TUBGCP2: variants seen among roughly 807,000 people sequenced by gnomAD.
The protein encoded by TUBGCP2 is gamma-tubulin complex component 2.
A neutral mutation model predicts 92.2 loss-of-function variants in TUBGCP2; 55 were observed. The observed-to-expected ratio is 0.60, with a 90% CI of 0.48 to 0.75. TUBGCP2 has a LOEUF of 0.75. Ranked by LOEUF, TUBGCP2 falls within the 30% of genes least tolerant of loss-of-function variation. The pLI is 0.00. For synonymous variants in TUBGCP2, 533 were observed against 505.2 expected (o/e 1.06, Z -0.74); for missense variants, 1,093 against 1,188.9 (o/e 0.92, Z 1.19).
At position 133,302,986 on chromosome 10, in the gene TUBGCP2, G is replaced by C. The variant is rs929938575; in HGVS notation, c.-39-6C>G. ...GAACATCACAATATGTTCTCCTATA[G>C]GTAAGAAGACAGCTATTCATAAAAT... On this transcript the variant is annotated splice_region_variant and splice_polypyrimidine_tract_variant and intron_variant, in intron 1 of 17. Transcript: ENST00000252936. 1.9e-6 allele frequency: 3 copies of C among 1,609,138 alleles called. No homozygotes were observed. The highest frequency in any genetic ancestry group is 2.7e-5 in the African/African-American group (2 of 74,830).
intron 2 of TUBGCP2, among the ~76,000 whole-genome samples, chr10:133,301,284 C>T (rs988122450): frequency 2.0e-5 from 3 of 152,102 alleles, no homozygotes; most frequent in Non-Finnish European, 4.4e-5. Context: ...CGCACCACCA[C>T]GCCCTAATTT....
Position 133,278,696 on chromosome 10 carries a change from G to C in TUBGCP2, c.*1070C>G, listed in dbSNP as rs1564931941. The C allele has an allele frequency of 6.6e-6, 1 of 152,384 alleles. No individual in the cohort carries two copies. Among genetic ancestry groups the C allele is most frequent in the South Asian group, 2.1e-4 (1 of 4,842 alleles). 9.4% of individuals were successfully genotyped at this position (152,384 alleles called of 1,614,324 possible). On this transcript the variant is annotated 3_prime_UTR_variant, in exon 18 of 18. Coordinates refer to ENST00000252936, the MANE Select transcript of TUBGCP2 (RefSeq NM_006659.4). The stretch of plus-strand genomic sequence containing the variant: ...CACAGCCTGCAGACAAGGAGGAAGC[G>C]GTTTGTGGCTGGAGAGTTGGACACC...
intron 2 of TUBGCP2, 137 bp from the exon 3 acceptor site, chr10:133,300,250 C>T: frequency 9.7e-7 from 1 of 1,027,204 alleles, no homozygotes; most frequent in Non-Finnish European, 1.4e-6. Flanking sequence ...CTGAAATAAA[C>T]TAACAAAACT....
intron 1 of TUBGCP2, among the ~76,000 whole-genome samples, chr10:133,304,984 GAA>G (rs1310755238): frequency 6.6e-6 from 1 of 152,082 alleles, no homozygotes; most frequent in African/African-American, 2.4e-5. Flanking sequence ...CAGTGTCAAG[GAA>G]AAACACCCGC....
chr10:133,291,287 C>CCCA (rs1564938878), intron 8 of TUBGCP2, among the ~76,000 whole-genome samples: 4 of 78,898 alleles, frequency 5.1e-5, no homozygotes, highest in South Asian at 3.8e-4. Flanking sequence ...CTCCGTGTCC[C>CCCA]TGTGTCCCGG....
chr10:133,294,814 C>A (rs776288210), intron 5 of TUBGCP2, among the ~76,000 whole-genome samples: 13 of 110,658 alleles, frequency 1.2e-4, no homozygotes, highest in Non-Finnish European at 2.4e-4. Flanking sequence ...TGGGGTCTTG[C>A]CGTGTTGCCC....
intron 14 of TUBGCP2, among the ~76,000 whole-genome samples, chr10:133,283,610 C>T (rs1233419287): frequency 7.3e-6 from 1 of 137,744 alleles, no homozygotes. Context: ...GGTGCAGCCC[C>T]GCCCTGGGGG....
At position 133,278,959 on chromosome 10, in the gene TUBGCP2, G is replaced by C. The variant is rs1041716958; in HGVS notation, c.*807C>G. On this transcript the variant is annotated 3_prime_UTR_variant, in exon 18 of 18. Coordinates refer to ENST00000252936, the MANE Select transcript of TUBGCP2 (RefSeq NM_006659.4). ...GTAACCAGAGCAGACCAACCTGGCC[G>C]GGCAGCCCTGAGGCTCCCAGGGCCC... is the stretch of plus-strand genomic sequence containing the variant. 2.6e-5 allele frequency: 4 copies of C among 152,344 alleles called. No homozygotes were observed. Among genetic ancestry groups the C allele is most frequent in the Non-Finnish European group, 5.9e-5 (4 of 68,134 alleles). The allele number at this position is 152,344 out of a possible 1,614,324, so 9.4% of individuals were successfully genotyped here. A position where few individuals can be genotyped will look rare whatever the true frequency, so the allele number is the denominator to read the frequency against.
At chr10:133,293,442 T>C in intron 6 of TUBGCP2, 120 bp downstream of exon 6, 3 of 1,283,748 alleles carry the variant, frequency 2.3e-6, no homozygotes, top group South Asian at 1.4e-5. Context: ...GGGCACGGAG[T>C]TGTCACCAAG....
chr10:133,292,765 C>A, intron 7 of TUBGCP2, 77 bp from the exon 8 acceptor site: 2 of 1,492,238 alleles, frequency 1.3e-6, no homozygotes, highest in Non-Finnish European at 1.8e-6. Context: ...GCTGGGGCCC[C>A]TCATGCTTCT....
At chr10:133,282,410 A>C (rs571054644) in intron 15 of TUBGCP2, 68 bp from the exon 16 acceptor site, 2 of 1,516,000 alleles carry the variant, frequency 1.3e-6, no homozygotes, top group South Asian at 2.6e-5. Context: ...AGAAAAAACA[A>C]GTCCTGCAGG....
intron 2 of TUBGCP2, chr10:133,302,532 A>C: frequency 4.8e-6 from 2 of 412,962 alleles, no homozygotes; most frequent in Non-Finnish European, 4.4e-6. Context: ...TGACCCAGGG[A>C]CGACGCTCAT....
At chr10:133,310,530 A>C, upstream of TUBGCP2, 1 of 546,276 alleles carries the variant, frequency 1.8e-6, no homozygotes, top group Non-Finnish European at 3.3e-6. Flanking sequence ...TGGAGGCAGC[A>C]GAGGGGGTGT....
chr10:133,289,507 T>C (rs1847217329), intron 9 of TUBGCP2, among the ~76,000 whole-genome samples: 1 of 152,178 alleles, frequency 6.6e-6, no homozygotes. Flanking sequence ...TGGTTTTTCC[T>C]GACATGCTAG....
intron 1 of TUBGCP2, 112 bp from the exon 2 acceptor site, chr10:133,303,092 T>C (rs1564774097): frequency 3.2e-6 from 3 of 943,348 alleles, no homozygotes; most frequent in Non-Finnish European, 4.7e-6. Flanking sequence ...AGTTATCACC[T>C]GGCCTGCCTG....
chr10:133,291,832 CCCCATGTCCCT>C lies in TUBGCP2; in HGVS notation c.1214+656_1214+666del, dbSNP rs1428403200. Among the ~76,000 whole-genome samples the C allele has an allele frequency of 2.6e-4, 4 of 15,378 alleles. 1 individual carries two copies. Among genetic ancestry groups the C allele is most frequent in the African/African-American group, 7.8e-4 (3 of 3,832 alleles). 10.1% of individuals were successfully genotyped at this position (15,378 alleles called of 152,430 possible). On this transcript the variant is annotated intron_variant, in intron 8 of 17. Coordinates refer to ENST00000252936, the MANE Select transcript of TUBGCP2 (RefSeq NM_006659.4). ...CGTGTCCCCCATGTCCCTCCGTGTC[CCCCATGTCCCT>C]CCGTGTCCCTGTGTCCCGGGGAGCC... is the stretch of plus-strand genomic sequence containing the variant.
At chr10:133,282,899 GC>G (rs1226989597) in intron 15 of TUBGCP2, among the ~76,000 whole-genome samples, 178 bp downstream of exon 15, 1 of 152,206 alleles carries the variant, frequency 6.6e-6, no homozygotes, top group African/African-American at 2.4e-5. Context: ...CAGGGCAGGG[GC>G]TCCAGGAGGG....
chr10:133,300,392 A>G (rs1847613754), intron 2 of TUBGCP2: 1 of 278,288 alleles, frequency 3.6e-6, no homozygotes, highest in Admixed American at 4.7e-5. Context: ...CCTGGCCAAA[A>G]TAACAAAACC....
At position 133,282,257 on chromosome 10, in the gene TUBGCP2, G is replaced by C; in HGVS notation, c.2375C>G (p.Ala792Gly). ...GAGCTCCTTCCGGGCCCGCTCCTCG[G>C]CCCCTGCGGGCAGCCCCAGGACGGT... ...HSTVLGLPAGAEERARKELAR... is the reference protein window; with the variant it reads ...HSTVLGLPAGGEERARKELAR... Residue 792 changes from alanine to glycine, a missense_variant, in exon 16 of 18, where the codon GCC becomes GGC. Ala to Gly is a moderately conservative substitution (Grantham distance 60, BLOSUM62 0). Transcript: ENST00000252936. 1 of 1,611,578 alleles carries C rather than the reference G, an allele frequency of 6.2e-7. No homozygotes were observed. Among genetic ancestry groups the C allele is most frequent in the Non-Finnish European group, 8.5e-7 (1 of 1,179,266 alleles).
Sources: gnomAD v4.1 joint callset for allele counts (sites outside exome capture counted in the v4.1 genomes callset) on GRCh38, gnomAD v4.1.1 for gene constraint, MANE v1.5 for transcripts, NCBI Gene and HGNC (gene_info 2026-07-23, HGNC 2026-07-21) for gene names.